PREX1: variants seen among roughly 807,000 people sequenced by gnomAD.
PREX1 encodes phosphatidylinositol-3,4,5-trisphosphate dependent Rac exchange factor 1, also known as phosphatidylinositol 3,4,5-trisphosphate-dependent Rac exchanger 1 protein.
A neutral mutation model predicts 198.3 loss-of-function variants in PREX1; 41 were observed. The observed-to-expected ratio is 0.21, with a 90% CI of 0.16 to 0.27. PREX1 has a LOEUF of 0.27. PREX1 is among the 10% of genes least tolerant of loss of function. The probability of loss-of-function intolerance (pLI) is 1.00; values close to 1 mark genes in which losing one functional copy is unlikely to be tolerated. For synonymous variants in PREX1, 843 were observed against 887.2 expected, an observed-to-expected ratio of 0.95 and a Z score of 0.89; for missense variants, 1,620 against 2,200.7, an observed-to-expected ratio of 0.74 and a Z score of 5.28.
intron 2 of PREX1, 110 bp downstream of exon 2, chr20:48,747,699 C>G (rs1032213689): frequency 8.2e-7 from 1 of 1,226,882 alleles, no homozygotes; most frequent in East Asian, 2.6e-5. Context: ...CAGCAGCCAG[C>G]GGGTGATGCG....
chr20:48,760,578 G>A lies in PREX1; in HGVS notation c.220-12698C>T, dbSNP rs183010258. 3.3e-5 allele frequency among the ~76,000 whole-genome samples: 5 copies of A among 152,256 alleles called. No homozygotes were observed. In the East Asian group the frequency reaches 9.7e-4, roughly 29 times the overall value. The stretch of plus-strand genomic sequence containing the variant: ...GTTGTTGAGGTTTAAGTGAAATGAT[G>A]CAGGTGAACACTTTGTAACTACAAA... On this transcript the variant is annotated intron_variant, in intron 1 of 39. Coordinates refer to ENST00000371941, the MANE Select transcript of PREX1 (RefSeq NM_020820.4).
intron 6 of PREX1, among the ~76,000 whole-genome samples, chr20:48,702,259 T>C (rs532715127): frequency 6.7e-6 from 1 of 149,910 alleles, no homozygotes; most frequent in Non-Finnish European, 1.5e-5. Context: ...GGGAAGGTCC[T>C]AGCTGGGAGG....
At chr20:48,712,184 T>C (rs2089934870) in intron 5 of PREX1, among the ~76,000 whole-genome samples, 1 of 152,192 alleles carries the variant, frequency 6.6e-6, no homozygotes, top group Non-Finnish European at 1.5e-5. Flanking sequence ...GTGAAATTAC[T>C]TTGCCTCCCA....
intron 7 of PREX1, among the ~76,000 whole-genome samples, chr20:48,694,833 A>T (rs1350357895): frequency 6.6e-6 from 1 of 152,232 alleles, no homozygotes; most frequent in Non-Finnish European, 1.5e-5. Context: ...GAGCACAGGC[A>T]GAATGGGATG....
chr20:48,750,810 G>C (rs1367282688), intron 1 of PREX1, among the ~76,000 whole-genome samples: 2 of 152,174 alleles, frequency 1.3e-5, no homozygotes, highest in African/African-American at 4.8e-5. Context: ...GATCATGGCT[G>C]GGATGAAACC....
intron 1 of PREX1, among the ~76,000 whole-genome samples, chr20:48,813,332 T>C (rs2090444739): frequency 6.6e-6 from 1 of 152,176 alleles, no homozygotes; most frequent in African/African-American, 2.4e-5. Context: ...GTGGAGACTC[T>C]CTACTGAGGA....
At chr20:48,757,681 C>T (rs1191482956) in intron 1 of PREX1, among the ~76,000 whole-genome samples, 1 of 152,288 alleles carries the variant, frequency 6.6e-6, no homozygotes, top group African/African-American at 2.4e-5. Flanking sequence ...CAGCCAGGAT[C>T]ACAGGAGGTG....
In PREX1 at chr20:48,625,514, T is replaced by C. The variant is rs1601021457; in HGVS notation, c.*371A>G. On this transcript the variant is annotated 3_prime_UTR_variant, in exon 40 of 40. Coordinates refer to ENST00000371941, the MANE Select transcript of PREX1 (RefSeq NM_020820.4). Reference sequence around the variant, plus strand: ...TTGAAGGAAACCGGGGTTTCAAAAGTGCAGGCGGAGCCATCCCGAGGGAGC... The same window carrying C: ...TTGAAGGAAACCGGGGTTTCAAAAGCGCAGGCGGAGCCATCCCGAGGGAGC... 1 of 225,192 alleles carries C rather than the reference T, an allele frequency of 4.4e-6. No homozygotes were observed. Among genetic ancestry groups the C allele is most frequent in the Non-Finnish European group, 8.7e-6 (1 of 114,980 alleles). The allele number at this position is 225,192 out of a possible 1,614,324, so 13.9% of individuals were successfully genotyped here.
intron 37 of PREX1, among the ~76,000 whole-genome samples, chr20:48,628,932 C>A (rs1385427054): frequency 6.6e-6 from 1 of 152,118 alleles, no homozygotes; most frequent in African/African-American, 2.4e-5. Flanking sequence ...GAAATAAATA[C>A]CCCAATGAAG....
chr20:48,801,264 TCTC>T (rs933484165), intron 1 of PREX1, among the ~76,000 whole-genome samples: 72 of 152,238 alleles, frequency 4.7e-4, no homozygotes, highest in African/African-American at 1.7e-3. Context: ...CCAAGGAACA[TCTC>T]CTCTTTCAGC....
the PREX1 span, among the ~76,000 whole-genome samples, chr20:48,862,207 T>A: frequency 6.6e-6 from 1 of 151,742 alleles, no homozygotes; most frequent in African/African-American, 2.4e-5. Flanking sequence ...AGACTCTGTC[T>A]CAACAAAAGA....
At chr20:48,718,206 C>T (rs1308899728) in intron 5 of PREX1, among the ~76,000 whole-genome samples, 1 of 152,204 alleles carries the variant, frequency 6.6e-6, no homozygotes, top group Non-Finnish European at 1.5e-5. Context: ...TATATCCAGC[C>T]TTTCAAAGAG....
chr20:48,704,197 G>A (rs143162895), intron 6 of PREX1, among the ~76,000 whole-genome samples: 22 of 152,282 alleles, frequency 1.4e-4, no homozygotes, highest in African/African-American at 5.3e-4. Context: ...CAGTGAGGTG[G>A]AACTTGAACC....
At chr20:48,628,784 C>G (rs1330842567) in intron 37 of PREX1, among the ~76,000 whole-genome samples, 1 of 152,182 alleles carries the variant, frequency 6.6e-6, no homozygotes, top group Admixed American at 6.5e-5. Context: ...AGCACTGGCC[C>G]CGTGAAACAT....
intron 10 of PREX1, among the ~76,000 whole-genome samples, chr20:48,685,665 G>A (rs1197004721): frequency 4.6e-5 from 7 of 152,114 alleles, no homozygotes; most frequent in East Asian, 3.9e-4. Context: ...AGTGGCTCAC[G>A]CCTGTAATCC....
chr20:48,670,016 T>C (rs1183604166), intron 14 of PREX1, among the ~76,000 whole-genome samples: 2 of 152,156 alleles, frequency 1.3e-5, no homozygotes, highest in East Asian at 1.9e-4. Context: ...GACTGTATGG[T>C]TGACCTGGAG....
intron 5 of PREX1, among the ~76,000 whole-genome samples, chr20:48,714,393 T>G (rs1013974374): frequency 6.6e-6 from 1 of 152,214 alleles, no homozygotes; most frequent in Non-Finnish European, 1.5e-5. Context: ...ACCCAGAATA[T>G]GTAAAGAACC....
the PREX1 span, among the ~76,000 whole-genome samples, chr20:48,849,654 A>G: frequency 1.3e-5 from 2 of 152,218 alleles, no homozygotes; most frequent in Admixed American, 1.3e-4. Flanking sequence ...TTACAGATCT[A>G]TTTCCCTCTG....
chr20:48,734,961 G>A (rs905112600), intron 3 of PREX1, among the ~76,000 whole-genome samples: 5 of 152,022 alleles, frequency 3.3e-5, no homozygotes, highest in African/African-American at 9.7e-5. Flanking sequence ...GTGAACCTGG[G>A]CAGGTTACCT....
Sources: allele counts gnomAD v4.1 joint callset (sites outside exome capture counted in the v4.1 genomes callset), GRCh38; gene constraint gnomAD v4.1.1; transcripts MANE v1.5; gene names NCBI Gene and HGNC (gene_info 2026-07-23, HGNC 2026-07-21).